CDH13: variants seen among roughly 807,000 people sequenced by gnomAD.
The protein encoded by CDH13 is cadherin-13.
In CDH13, 24 loss-of-function variants were observed where a neutral mutation model predicts 63.8. The ratio of observed to expected loss-of-function variants is 0.38; its 90% CI spans 0.27 to 0.53. CDH13 has a LOEUF of 0.53. CDH13 is among the 20% of genes least tolerant of loss of function. CDH13 has a pLI of 0.85. For synonymous variants in CDH13, 503 were observed against 355.3 expected, an observed-to-expected ratio of 1.42 and a Z score of -4.67; for missense variants, 1,049 against 903.1, an observed-to-expected ratio of 1.16 and a Z score of -2.07.
chr16:83,468,369 A>G (rs1179719988), intron 6 of CDH13, among the ~76,000 whole-genome samples: 1 of 152,204 alleles, frequency 6.6e-6, no homozygotes, highest in East Asian at 1.9e-4. Flanking sequence ...CCAAAGCTGC[A>G]TATGGTAAGG....
intron 2 of CDH13, among the ~76,000 whole-genome samples, chr16:82,896,849 C>T (rs370297560): frequency 2.3e-5 from 3 of 128,838 alleles, no homozygotes; most frequent in African/African-American, 6.0e-5. Flanking sequence ...GGTGCAGTCT[C>T]GGCTCACTGC....
intron 2 of CDH13, among the ~76,000 whole-genome samples, chr16:82,955,433 T>C (rs951402019): frequency 2.0e-5 from 3 of 152,350 alleles, no homozygotes; most frequent in Non-Finnish European, 2.9e-5. Context: ...ATACTTTAGC[T>C]TCATAATTAT....
intron 6 of CDH13, among the ~76,000 whole-genome samples, chr16:83,441,228 C>G (rs1373628785): frequency 6.6e-6 from 1 of 152,180 alleles, no homozygotes; most frequent in Admixed American, 6.5e-5. Context: ...GGCACTCAAT[C>G]TCTACCTGTT....
At chr16:83,729,922 G>T (rs887632572) in intron 10 of CDH13, among the ~76,000 whole-genome samples, 1 of 152,306 alleles carries the variant, frequency 6.6e-6, no homozygotes, top group African/African-American at 2.4e-5. Flanking sequence ...ATACAAAGAG[G>T]GGTTTTGAAG....
At chr16:82,816,886 A>G (rs921666495) in intron 1 of CDH13, among the ~76,000 whole-genome samples, 1 of 151,912 alleles carries the variant, frequency 6.6e-6, no homozygotes, top group Non-Finnish European at 1.5e-5. Context: ...ATACAACGAA[A>G]GGATAATGTG....
chr16:82,771,581 A>C (rs188367561), intron 1 of CDH13, among the ~76,000 whole-genome samples: 25 of 152,338 alleles, frequency 1.6e-4, no homozygotes, highest in African/African-American at 6.0e-4. Flanking sequence ...GGAGGCTCGG[A>C]GAGTTTCAGT....
intron 1 of CDH13, among the ~76,000 whole-genome samples, chr16:82,736,339 G>A (rs184444905): frequency 6.6e-6 from 1 of 152,078 alleles, no homozygotes; most frequent in Non-Finnish European, 1.5e-5. Context: ...AGTTGTTAAG[G>A]GAAGAAAAAA....
At chr16:83,252,095 A>G (rs1291069661) in intron 5 of CDH13, among the ~76,000 whole-genome samples, 2 of 69,238 alleles carry the variant, frequency 2.9e-5, no homozygotes, top group Non-Finnish European at 6.2e-5. Flanking sequence ...GTATATATGT[A>G]TATATATATT....
At position 83,678,214 on chromosome 16, in the gene CDH13, G is replaced by T; in HGVS notation, c.1291G>T (p.Asp431Tyr). ...EGMLSVVKPL[D>Y]YEISAFHTLL... The stretch of plus-strand genomic sequence containing the variant: ...CCTTCTGTCTGCTTTCCAGCCATTG[G>T]ACTATGAAATTTCTGCCTTCCACAC... Residue 431 changes from aspartate (D) to tyrosine (Y), a missense_variant, in exon 10 of 14, where the codon GAC (aspartate) becomes TAC (tyrosine). Coordinates refer to ENST00000567109, the MANE Select transcript of CDH13 (RefSeq NM_001257.5). 6.2e-7 allele frequency: 1 copy of T among 1,611,526 alleles called. No individual in the cohort carries two copies. Among genetic ancestry groups the T allele is most frequent in the East Asian group, 2.2e-5 (1 of 44,820 alleles).
At chr16:83,446,136 C>G (rs888288074) in intron 6 of CDH13, among the ~76,000 whole-genome samples, 5 of 151,770 alleles carry the variant, frequency 3.3e-5, no homozygotes, top group Non-Finnish European at 4.4e-5. Flanking sequence ...AACCCCATCT[C>G]TACAAAAAAT....
intron 2 of CDH13, among the ~76,000 whole-genome samples, chr16:82,886,679 C>G (rs548829777): frequency 2.6e-5 from 4 of 151,880 alleles, no homozygotes; most frequent in Non-Finnish European, 2.9e-5. Flanking sequence ...AATTGGACAC[C>G]GGCTCCATGC....
At chr16:82,900,239 T>A (rs1182569222) in intron 2 of CDH13, among the ~76,000 whole-genome samples, 1 of 152,180 alleles carries the variant, frequency 6.6e-6, no homozygotes, top group Non-Finnish European at 1.5e-5. Flanking sequence ...CTGTCCCAAG[T>A]ATAGCTGAGT....
At chr16:82,755,960 G>C (rs887266408) in intron 1 of CDH13, among the ~76,000 whole-genome samples, 2 of 152,176 alleles carry the variant, frequency 1.3e-5, no homozygotes, top group Non-Finnish European at 2.9e-5. Context: ...ATGTTGGATT[G>C]CTTCTGCCTT....
intron 8 of CDH13, among the ~76,000 whole-genome samples, chr16:83,663,121 A>G (rs940418046): frequency 1.3e-4 from 20 of 152,234 alleles, no homozygotes; most frequent in African/African-American, 4.6e-4. Context: ...GTTCAAATTT[A>G]TCAAAGAAAT....
chr16:83,446,885 A>G (rs1264806099), intron 6 of CDH13, among the ~76,000 whole-genome samples: 1 of 151,782 alleles, frequency 6.6e-6, no homozygotes, highest in Non-Finnish European at 1.5e-5. Context: ...AATAAAATAA[A>G]AGCTGGGGAC....
At chr16:83,665,171 TG>T (rs1913824989) in intron 8 of CDH13, among the ~76,000 whole-genome samples, 3 of 138,378 alleles carry the variant, frequency 2.2e-5, no homozygotes, top group Admixed American at 7.2e-5. Flanking sequence ...CATACATAAC[TG>T]AAAAAAAAAA....
intron 2 of CDH13, among the ~76,000 whole-genome samples, chr16:82,873,941 C>G (rs190943667): frequency 9.2e-5 from 14 of 152,198 alleles, no homozygotes; most frequent in Admixed American, 2.0e-4. Flanking sequence ...CTCACTCATG[C>G]TTGGTCTCTT....
At chr16:83,583,940 A>G (rs867424509) in intron 7 of CDH13, among the ~76,000 whole-genome samples, 1 of 151,834 alleles carries the variant, frequency 6.6e-6, no homozygotes, top group Admixed American at 6.6e-5. Flanking sequence ...AATAAACAAA[A>G]ATTTAAAAAA....
intron 6 of CDH13, among the ~76,000 whole-genome samples, chr16:83,369,272 C>T (rs1446688830): frequency 1.3e-5 from 2 of 151,858 alleles, no homozygotes; most frequent in South Asian, 2.1e-4. Flanking sequence ...AGCTCATTTT[C>T]TAGTAGCAGT....
Sources: gnomAD v4.1 joint callset for allele counts (sites outside exome capture counted in the v4.1 genomes callset) on GRCh38, gnomAD v4.1.1 for gene constraint, MANE v1.5 for transcripts, NCBI Gene and HGNC (gene_info 2026-07-23, HGNC 2026-07-21) for gene names.